Variants in CLUAP1 observed in about 807,000 individuals in gnomAD.
CLUAP1 encodes clusterin-associated protein 1.
CLUAP1 carries 50 observed loss-of-function variants against 55.0 expected under a neutral mutation model. That is an observed-to-expected ratio of 0.91 (90% CI 0.72 to 1.15). CLUAP1 has a LOEUF of 1.15. Ranked by LOEUF, CLUAP1 falls within the 50% of genes most tolerant of loss-of-function variation. The pLI, the probability that CLUAP1 is intolerant of heterozygous loss-of-function variation, is 0.00. For synonymous variants in CLUAP1, 195 were observed against 175.4 expected (o/e 1.11, Z -0.88); for missense variants, 530 against 507.6 (o/e 1.04, Z -0.42).
chr16:3,534,679 G>GACAT, intron 11 of CLUAP1: 1 of 152,372 alleles, frequency 6.6e-6, no homozygotes, highest in African/African-American at 2.4e-5. Flanking sequence ...GAATTGATTG[G>GACAT]ACATAGGCTG....
In CLUAP1 at chr16:3,504,812, C is replaced by G. The variant is rs2037471656; in HGVS notation, c.115C>G (p.Leu39Val). The G allele has an allele frequency of 6.2e-7, 1 of 1,606,588 alleles. No homozygotes were observed. Among genetic ancestry groups the G allele is most frequent in the African/African-American group, 1.3e-5 (1 of 74,696 alleles). The stretch of plus-strand genomic sequence containing the variant: ...CAATTTTGGACTTGTATCTGAAGTG[C>G]TTCTCTGGCTTGTGAAAAGGTTCGA... ...TPNFGLVSEV[L>V]LWLVKRYEPQ... The change falls in exon 2 of 12, where the codon CTT (leucine) becomes GTT (valine). Residue 39 changes from leucine (L) to valine (V), a missense_variant. Physicochemically the swap from Leu to Val is conservative, Grantham distance 32 (BLOSUM62 1). Transcript: ENST00000576634.
At chr16:3,505,428 G>A (rs962070724) in intron 2 of CLUAP1, among the ~76,000 whole-genome samples, 2 of 152,100 alleles carry the variant, frequency 1.3e-5, no homozygotes, top group African/African-American at 4.8e-5. Flanking sequence ...TACTCAGGAG[G>A]CTGAGGCAGG....
intron 4 of CLUAP1, among the ~76,000 whole-genome samples, chr16:3,510,779 GT>G (rs1482695414): frequency 6.6e-6 from 1 of 152,210 alleles, no homozygotes; most frequent in Non-Finnish European, 1.5e-5. Context: ...GAAGTTTTTT[GT>G]GTGAGCCCCT....
At chr16:3,530,782 G>A (rs140912705) in intron 10 of CLUAP1, 107 bp downstream of exon 10, 52 of 759,096 alleles carry the variant, frequency 6.9e-5, no homozygotes, top group African/African-American at 1.9e-4. Context: ...AGCGTGCTGC[G>A]AATGGCCCCT....
chr16:3,500,319 C>G (rs182377804), upstream of CLUAP1, among the ~76,000 whole-genome samples: 298 of 151,786 alleles, frequency 2.0e-3, 1 homozygote, highest in Middle Eastern at 3.4e-3. Context: ...CGACGAGGAG[C>G]GCGCTGTGCC....
chr16:3,509,302 G>A (rs1341704541), intron 4 of CLUAP1, among the ~76,000 whole-genome samples: 2 of 152,204 alleles, frequency 1.3e-5, no homozygotes, highest in Non-Finnish European at 2.9e-5. Flanking sequence ...AGGAGGCCGT[G>A]TGATGAGGGT....
chr16:3,529,770 T>TTATTATA (rs1451404627), intron 9 of CLUAP1, among the ~76,000 whole-genome samples: 1 of 53,522 alleles, frequency 1.9e-5, no homozygotes, highest in Non-Finnish European at 3.1e-5. Flanking sequence ...ATATATTATA[T>TTATTATA]TATTATATAT....
chr16:3,514,552 T>TA (rs1300742279), intron 5 of CLUAP1, among the ~76,000 whole-genome samples: 1 of 152,196 alleles, frequency 6.6e-6, no homozygotes. Context: ...AACCTTGTCT[T>TA]ACTTTGTTCA....
chr16:3,496,676 A>C (rs1596377157), upstream of CLUAP1: 4 of 533,050 alleles, frequency 7.5e-6, no homozygotes, highest in Non-Finnish European at 1.5e-5. Flanking sequence ...GGCCCTGGGA[A>C]CCCCACACAG....
chr16:3,505,864 C>T (rs1007882630), intron 2 of CLUAP1, among the ~76,000 whole-genome samples: 5 of 152,174 alleles, frequency 3.3e-5, no homozygotes, highest in Non-Finnish European at 5.9e-5. Flanking sequence ...ATCTCTATTG[C>T]GTCTCTTCTT....
intron 9 of CLUAP1, among the ~76,000 whole-genome samples, chr16:3,529,464 TATATA>T (rs1567439292): frequency 1.3e-5 from 1 of 75,662 alleles, no homozygotes; most frequent in Non-Finnish European, 2.3e-5. Context: ...TTATATATAA[TATATA>T]TTATATTATA....
At chr16:3,506,506 A>T in intron 3 of CLUAP1, 91 bp downstream of exon 3, 1 of 1,025,398 alleles carries the variant, frequency 9.8e-7, no homozygotes, top group Admixed American at 1.9e-5. Flanking sequence ...TGTGTAATTG[A>T]GTTTTTCTTT....
chr16:3,513,957 T>C (rs1271213804), intron 5 of CLUAP1, among the ~76,000 whole-genome samples: 4 of 152,194 alleles, frequency 2.6e-5, no homozygotes, highest in African/African-American at 9.7e-5. Flanking sequence ...GAAGAGGGAC[T>C]TAGGTGCTAG....
chr16:3,500,158 T>C (rs1308455189), upstream of CLUAP1, among the ~76,000 whole-genome samples: 1 of 152,154 alleles, frequency 6.6e-6, no homozygotes, highest in Non-Finnish European at 1.5e-5. Flanking sequence ...ATGCAGAGGC[T>C]AGGGCTGCCG....
At chr16:3,529,550 ATT>A (rs1443105134) in intron 9 of CLUAP1, among the ~76,000 whole-genome samples, 4 of 52,874 alleles carry the variant, frequency 7.6e-5, no homozygotes, top group Non-Finnish European at 1.2e-4. Context: ...ATTATTATAT[ATT>A]ATATATTATT....
chr16:3,523,036 A>G, intron 7 of CLUAP1, 122 bp from the exon 8 acceptor site: 1 of 686,550 alleles, frequency 1.5e-6, no homozygotes, highest in Non-Finnish European at 2.2e-6. Context: ...TACAAGAATG[A>G]AGGACCTTCT....
rs2038273063 is a variant in CLUAP1, at chr16:3,538,190, A to G, written c.*1919A>G. The stretch of plus-strand genomic sequence containing the variant: ...ATTATTGTATTTGTACCTGTCAGAT[A>G]TAAATACTTATTCAGGAGTTCACAG... On this transcript the variant is annotated 3_prime_UTR_variant, in exon 12 of 12. Coordinates refer to ENST00000576634, the MANE Select transcript of CLUAP1 (RefSeq NM_015041.3). 6.6e-6 allele frequency: 1 copy of G among 152,112 alleles called. No homozygotes were observed. The highest frequency in any genetic ancestry group is 2.4e-5 in the African/African-American group (1 of 41,414). The allele number at this position is 152,112 out of a possible 1,614,324, so 9.4% of individuals were successfully genotyped here.
intron 8 of CLUAP1, among the ~76,000 whole-genome samples, chr16:3,524,562 A>C (rs146148192): frequency 8.5e-5 from 12 of 140,828 alleles, no homozygotes; most frequent in Non-Finnish European, 1.8e-4. Flanking sequence ...GCGCCACTGC[A>C]CTCTAGCCTG....
chr16:3,514,918 A>G (rs2037701201), intron 5 of CLUAP1, among the ~76,000 whole-genome samples: 1 of 152,248 alleles, frequency 6.6e-6, no homozygotes, highest in Non-Finnish European at 1.5e-5. Context: ...TGATAGTCAC[A>G]GATGTCTCCC....
Sources: gnomAD v4.1 joint callset for allele counts (sites outside exome capture counted in the v4.1 genomes callset) on GRCh38, gnomAD v4.1.1 for gene constraint, MANE v1.5 for transcripts, NCBI Gene and HGNC (gene_info 2026-07-23, HGNC 2026-07-21) for gene names.